Variants in DOCK9 observed in about 807,000 individuals in gnomAD.
DOCK9 encodes the protein dedicator of cytokinesis protein 9.
In DOCK9, 89 loss-of-function variants were observed where a neutral mutation model predicts 263.3. That is an observed-to-expected ratio of 0.34 (90% confidence interval 0.28 to 0.40). The LOEUF is 0.40. DOCK9 is among the 10% of genes least tolerant of loss of function. The pLI is 1.00. For missense variants in DOCK9, 2,140 were observed against 2,603.4 expected (o/e 0.82, Z 3.87); for synonymous variants, 976 against 973.1 (o/e 1.00, Z -0.06).
At chr13:98,932,404 CAACAAACAAACA>C (rs147642560) in intron 2 of DOCK9, among the ~76,000 whole-genome samples, 7 of 150,700 alleles carry the variant, frequency 4.6e-5, no homozygotes, top group African/African-American at 9.8e-5. Flanking sequence ...CAAAAAACAA[CAACAAACAAACA>C]AACAAACAAA....
intron 1 of DOCK9, among the ~76,000 whole-genome samples, chr13:99,057,337 T>C (rs948174492): frequency 4.6e-5 from 7 of 152,186 alleles, no homozygotes; most frequent in Non-Finnish European, 8.8e-5. Context: ...ATATTGGGCC[T>C]GAAATCTTAC....
intron 1 of DOCK9, among the ~76,000 whole-genome samples, chr13:99,056,172 G>A (rs780527020): frequency 1.9e-4 from 29 of 152,162 alleles, no homozygotes; most frequent in Non-Finnish European, 5.9e-5. Flanking sequence ...AGTGCCAAAT[G>A]TTTTGATCAT....
At chr13:98,919,156 C>T (rs1306092229) in intron 7 of DOCK9, among the ~76,000 whole-genome samples, 1 of 150,848 alleles carries the variant, frequency 6.6e-6, no homozygotes, top group Non-Finnish European at 1.5e-5. Context: ...GTCACCCAGG[C>T]TAGAGTGCAA....
chr13:98,829,459 T>A lies in DOCK9; in HGVS notation c.4813A>T (p.Thr1605Ser). The A allele has an allele frequency of 5.6e-6, 9 of 1,613,940 alleles. No individual in the cohort carries two copies. Among genetic ancestry groups the A allele is most frequent in the Non-Finnish European group, 7.6e-6 (9 of 1,179,880 alleles). ...TKRIRTVLMA[T>S]AQMKEHENDP... ...TTCTCATGCTCCTTCATCTGGGCGG[T>A]GGCCATTAGCACCGTGCGTATCCTT... Residue 1605 changes from threonine (T) to serine (S), a missense_variant, in exon 43 of 53, where the codon ACC (threonine) becomes TCC (serine). Thr to Ser is a moderately conservative substitution (Grantham distance 58, BLOSUM62 1). Transcript: ENST00000682017. This position sits in a 1 kb window ranked among gnomAD's most constrained non-coding sequence, Gnocchi z 4.1.
intron 2 of DOCK9, among the ~76,000 whole-genome samples, chr13:98,931,798 A>G (rs1370263420): frequency 6.6e-6 from 1 of 150,860 alleles, no homozygotes; most frequent in Non-Finnish European, 1.5e-5. Context: ...GGGTTTCACC[A>G]TGTTGCCCAG....
intron 43 of DOCK9, among the ~76,000 whole-genome samples, chr13:98,828,426 T>G (rs1389440707): frequency 6.6e-6 from 1 of 152,242 alleles, no homozygotes; most frequent in Non-Finnish European, 1.5e-5. Context: ...TATTCCTTTT[T>G]ATTATGGCCA....
chr13:98,993,222 C>T (rs1880215240), intron 1 of DOCK9, among the ~76,000 whole-genome samples: 1 of 152,180 alleles, frequency 6.6e-6, no homozygotes, highest in South Asian at 2.1e-4. Flanking sequence ...ATTACCGGCA[C>T]AATTCCTGGG....
chr13:98,883,744 T>A, intron 22 of DOCK9, 69 bp downstream of exon 22: 1 of 1,026,230 alleles, frequency 9.7e-7, no homozygotes, highest in Non-Finnish European at 1.4e-6. Flanking sequence ...AGGATTTTTT[T>A]CTTCTTGCAA....
Position 98,829,225 on chromosome 13 carries a change from T to G in DOCK9, c.4965+82A>C. The stretch of plus-strand genomic sequence containing the variant: ...TTGGTTTTTGATTAATGGAATAACT[T>G]TTCTCAAAACTGGCTTTTTAAGTGA... On this transcript the variant is annotated intron_variant, in intron 43 of 52. Coordinates refer to ENST00000682017, the MANE Select transcript of DOCK9 (RefSeq NM_001366683.2). This position sits in a 1 kb window ranked among gnomAD's most constrained non-coding sequence, Gnocchi z 4.1. The G allele has an allele frequency of 2.3e-6, 3 of 1,316,538 alleles. No homozygotes were observed. Among genetic ancestry groups the G allele is most frequent in the Middle Eastern group, 2.0e-4 (1 of 5,090 alleles). 81.6% of individuals were successfully genotyped at this position (1,316,538 alleles called of 1,614,324 possible).
intron 1 of DOCK9, among the ~76,000 whole-genome samples, chr13:99,071,955 C>G (rs1330068935): frequency 6.6e-6 from 1 of 152,144 alleles, no homozygotes; most frequent in Non-Finnish European, 1.5e-5. Context: ...TCCATGAGAC[C>G]TCTTCTGTTA....
rs2093630692 is a variant in DOCK9, at chr13:98,853,659, A to G, written c.3832-137T>C. On this transcript the variant is annotated intron_variant, in intron 34 of 52. Coordinates refer to ENST00000682017, the MANE Select transcript of DOCK9 (RefSeq NM_001366683.2). The stretch of plus-strand genomic sequence containing the variant: ...GGAAGGTGCAAGTAACTTGCTGACA[A>G]TTAAACCACAGGCACCCTTTCGCCC... 4.4e-6 allele frequency: 3 copies of G among 675,656 alleles called. No individual in the cohort carries two copies. The South Asian group carries it at 5.7e-5, about 13-fold the overall frequency. The allele number at this position is 675,656 out of a possible 1,614,324, so 41.9% of individuals were successfully genotyped here.
intron 1 of DOCK9, among the ~76,000 whole-genome samples, chr13:99,002,253 C>G (rs1882490904): frequency 6.6e-6 from 1 of 152,212 alleles, no homozygotes; most frequent in African/African-American, 2.4e-5. Context: ...CTTTCTGATT[C>G]TGATCCCACT....
intron 27 of DOCK9, among the ~76,000 whole-genome samples, chr13:98,876,445 T>C (rs1441624613): frequency 6.6e-6 from 1 of 152,120 alleles, no homozygotes; most frequent in Non-Finnish European, 1.5e-5. Context: ...GAGCCCAGAT[T>C]GCGTCACAGC....
At chr13:99,035,806 G>A (rs922329700) in intron 1 of DOCK9, among the ~76,000 whole-genome samples, 1 of 152,148 alleles carries the variant, frequency 6.6e-6, no homozygotes, top group Admixed American at 6.5e-5. Context: ...AATACATGTG[G>A]ATACTTCTGC....
In DOCK9 at chr13:98,829,052, G is replaced by A. The variant is rs2092659749; in HGVS notation, c.4965+255C>T. 6.6e-6 allele frequency among the ~76,000 whole-genome samples: 1 copy of A among 152,168 alleles called. No individual in the cohort carries two copies. The highest frequency in any genetic ancestry group is 1.5e-5 in the Non-Finnish European group (1 of 68,030). On this transcript the variant is annotated intron_variant, in intron 43 of 52. Coordinates refer to ENST00000682017, the MANE Select transcript of DOCK9 (RefSeq NM_001366683.2). The surrounding 1 kb of genome is among the most constrained non-coding windows in gnomAD (Gnocchi z 4.1). ...TTTTGATGTGTATTTTAATTAGCAG[G>A]AGACTGTATGAATAGGTTTAAGAGC...
chr13:98,981,214 AC>A (rs1226423306), upstream of DOCK9, among the ~76,000 whole-genome samples: 9 of 151,598 alleles, frequency 5.9e-5, no homozygotes, highest in Admixed American at 1.3e-4. Context: ...ATGCCACCAC[AC>A]CTGGCTAATT....
In DOCK9 at chr13:98,863,058, A is replaced by G. The variant is rs137968412; in HGVS notation, c.3540T>C (p.Asn1180=). 1.5e-4 allele frequency: 235 copies of G among 1,611,524 alleles called. No individual in the cohort carries two copies. In the African/African-American group the frequency reaches 2.5e-3, roughly 17 times the overall value. Residue 1180 remains asparagine, a synonymous_variant, in exon 32 of 53, where the codon AAT becomes AAC. Coordinates refer to ENST00000682017, the MANE Select transcript of DOCK9 (RefSeq NM_001366683.2). ...GLLIENVQRI[N]VRDVSPFPVN... ...CAGGGAAGGGTGACACATCCCTCAC[A>G]TTGATCCGCTGGACGTTTTCAATCA...
chr13:98,893,363 C>T (rs1052054971), intron 15 of DOCK9, among the ~76,000 whole-genome samples: 1 of 152,148 alleles, frequency 6.6e-6, no homozygotes, highest in African/African-American at 2.4e-5. Flanking sequence ...TTATACTTTG[C>T]CTTCATGTCT....
intron 1 of DOCK9, among the ~76,000 whole-genome samples, chr13:99,048,771 A>G (rs2040551997): frequency 6.6e-6 from 1 of 152,238 alleles, no homozygotes; most frequent in Non-Finnish European, 1.5e-5. Flanking sequence ...GTAAGCACTA[A>G]TATACTTGTA....
Sources: gnomAD v4.1 joint callset for allele counts (sites outside exome capture counted in the v4.1 genomes callset) on GRCh38, gnomAD v4.1.1 for gene constraint, Gnocchi (gnomAD v3.1) non-coding constraint, MANE v1.5 for transcripts, NCBI Gene and HGNC (gene_info 2026-07-23, HGNC 2026-07-21) for gene names.